Variants in DNMT3A observed in about 807,000 individuals in gnomAD.
DNMT3A encodes DNA methyltransferase 3 alpha.
DNMT3A carries 267 observed loss-of-function variants against 117.6 expected under a neutral mutation model. The observed-to-expected ratio is 2.27, with a 90% CI of 2.05 to 2.51. The LOEUF is 2.51. DNMT3A is among the 30% of genes most tolerant of loss of function. The pLI is 0.00. For synonymous variants in DNMT3A, 432 were observed against 474.8 expected, an observed-to-expected ratio of 0.91 and a Z score of 1.17; for missense variants, 1,029 against 1,260.2, an observed-to-expected ratio of 0.82 and a Z score of 2.78.
intron 1 of DNMT3A, among the ~76,000 whole-genome samples, chr2:25,332,123 GC>G (rs1357577257): frequency 2.0e-5 from 3 of 152,118 alleles, no homozygotes; most frequent in African/African-American, 4.8e-5. Context: ...AAACCCTATT[GC>G]CCGAGCTCTC....
rs139610053 is a variant in DNMT3A, at chr2:25,281,409, T to C, written c.448+1032A>G. The stretch of plus-strand genomic sequence containing the variant: ...TAGTGTTCTGCACATAGTGGGAGCA[T>C]CATACATATTTGTCGAATAATAAAT... On this transcript the variant is annotated intron_variant, in intron 4 of 22. Transcript: ENST00000321117. This position sits in a 1 kb window ranked among gnomAD's most constrained non-coding sequence, Gnocchi z 4.8. The C allele has an allele frequency of 5.9e-6, 6 of 1,017,304 alleles. No individual in the cohort carries two copies. Among genetic ancestry groups the C allele is most frequent in the Non-Finnish European group, 7.1e-6 (6 of 846,240 alleles). 63.0% of individuals were successfully genotyped at this position (1,017,304 alleles called of 1,614,324 possible).
chr2:25,315,103 G>GC (rs990623405), intron 1 of DNMT3A, among the ~76,000 whole-genome samples: 1 of 152,154 alleles, frequency 6.6e-6, no homozygotes, highest in Non-Finnish European at 1.5e-5. Flanking sequence ...AAGGGAGAGC[G>GC]GGAGGCAGGC....
intron 6 of DNMT3A, among the ~76,000 whole-genome samples, chr2:25,266,360 G>A (rs972867546): frequency 1.3e-5 from 2 of 152,176 alleles, no homozygotes; most frequent in African/African-American, 4.8e-5. Flanking sequence ...CTCTAAAACT[G>A]CTTCCCATAC....
chr2:25,300,289 A>G (rs868809690), intron 2 of DNMT3A, 46 bp from the exon 3 acceptor site: 10 of 1,589,658 alleles, frequency 6.3e-6, no homozygotes, highest in Non-Finnish European at 7.7e-6. Context: ...GGATCCCAGC[A>G]GTGTAGCATT....
chr2:25,291,058 C>A (rs1032178469), intron 3 of DNMT3A, among the ~76,000 whole-genome samples: 1 of 152,214 alleles, frequency 6.6e-6, no homozygotes, highest in Non-Finnish European at 1.5e-5. Flanking sequence ...GGCACCCCCA[C>A]GCCTGCAGAC....
At chr2:25,266,352 C>T (rs1246045141) in intron 6 of DNMT3A, among the ~76,000 whole-genome samples, 3 of 152,216 alleles carry the variant, frequency 2.0e-5, no homozygotes, top group Admixed American at 6.5e-5. Context: ...TCCAAATGCT[C>T]TAAAACTGCT....
At chr2:25,313,817 G>C in intron 2 of DNMT3A, 96 bp downstream of exon 2, 11 of 1,507,912 alleles carry the variant, frequency 7.3e-6, no homozygotes, top group Non-Finnish European at 9.9e-6. Flanking sequence ...GAGTGATGCG[G>C]TCATGCACTC....
rs1673283336 is a variant in DNMT3A, at chr2:25,235,739, T to C, written c.2565A>G (p.Lys855=). 6.2e-7 allele frequency: 1 copy of C among 1,614,192 alleles called. No homozygotes were observed. Among genetic ancestry groups the C allele is most frequent in the African/African-American group, 1.3e-5 (1 of 75,060 alleles). The change falls in exon 22 of 23, where the codon AAA becomes AAG. Residue 855 remains lysine (K), a synonymous_variant. Coordinates refer to ENST00000321117, the MANE Select transcript of DNMT3A (RefSeq NM_022552.5). ...TTTCAGTGCACCATAAGATGTCCTC[T>C]TTCTCATTCATGAAGACAGGAAAAT... is the stretch of plus-strand genomic sequence containing the variant. The part of the protein sequence containing the change: ...DQHFPVFMNE[K]EDILWCTEME...
chr2:25,263,245 T>G (rs1007622073), intron 6 of DNMT3A, among the ~76,000 whole-genome samples: 1 of 152,112 alleles, frequency 6.6e-6, no homozygotes. Context: ...TTACTGAAAT[T>G]CTCAAAGGAT....
chr2:25,317,787 G>A (rs765507641), intron 1 of DNMT3A, among the ~76,000 whole-genome samples: 14 of 152,252 alleles, frequency 9.2e-5, no homozygotes, highest in Non-Finnish European at 1.5e-4. Context: ...CCAGGCTGGA[G>A]TGCAATGCCG....
chr2:25,333,174 G>A (rs1481217963), intron 1 of DNMT3A, among the ~76,000 whole-genome samples: 1 of 152,062 alleles, frequency 6.6e-6, no homozygotes, highest in Non-Finnish European at 1.5e-5. Flanking sequence ...GGAAGCTAAG[G>A]AGGACAGAGA....
In DNMT3A at chr2:25,282,312, G is replaced by C; in HGVS notation, c.448+129C>G. ...TCCAGCCAGTAGCCTCCAGGCCATA[G>C]CCTTGGCAAGCAGACCTTTAGCCAC... On this transcript the variant is annotated intron_variant, in intron 4 of 22. Coordinates refer to ENST00000321117, the MANE Select transcript of DNMT3A (RefSeq NM_022552.5). This position sits in a 1 kb window ranked among gnomAD's most constrained non-coding sequence, Gnocchi z 5.2. 5 of 1,490,616 alleles carry C rather than the reference G, an allele frequency of 3.4e-6. No individual in the cohort carries two copies. The highest frequency in any genetic ancestry group is 4.5e-6 in the Non-Finnish European group (5 of 1,114,172). 92.3% of individuals were successfully genotyped at this position (1,490,616 alleles called of 1,614,324 possible).
intron 2 of DNMT3A, among the ~76,000 whole-genome samples, chr2:25,312,706 C>G (rs1343302651): frequency 6.6e-6 from 1 of 152,194 alleles, no homozygotes; most frequent in Non-Finnish European, 1.5e-5. Flanking sequence ...CAAATAGAAC[C>G]ATTGATGGAA....
intron 2 of DNMT3A, among the ~76,000 whole-genome samples, chr2:25,307,349 C>T (rs1415457802): frequency 1.3e-5 from 2 of 151,198 alleles, no homozygotes; most frequent in African/African-American, 4.9e-5. Context: ...TTTTTTTTTT[C>T]CCAGCCAGGG....
intron 1 of DNMT3A, among the ~76,000 whole-genome samples, chr2:25,340,885 G>T (rs1293519157): frequency 8.1e-6 from 1 of 123,874 alleles, no homozygotes; most frequent in African/African-American, 3.0e-5. Context: ...CGGGATCCTC[G>T]CCCGCCCCCG....
Position 25,234,422 on chromosome 2 carries a change from T to A in DNMT3A, c.2598-2A>T, listed in dbSNP as rs760092360. 6.2e-7 allele frequency: 1 copy of A among 1,611,612 alleles called. No individual in the cohort carries two copies. On this transcript the variant is annotated splice_acceptor_variant, in intron 22 of 22. Transcript: ENST00000321117. LOFTEE classifies it high-confidence loss of function. This position sits in a 1 kb window ranked among gnomAD's most constrained non-coding sequence, Gnocchi z 4.5. ...TAGTGGACTGGGAAACCAAATACCCTGGGGGAGAAAAGGCAGAGAGGGCAG... is the reference window on the plus strand; with the variant it reads ...TAGTGGACTGGGAAACCAAATACCCAGGGGGAGAAAAGGCAGAGAGGGCAG...
At chr2:25,287,735 G>C (rs13003265) in intron 3 of DNMT3A, among the ~76,000 whole-genome samples, 22,521 of 141,092 alleles carry the variant, frequency 0.16, 2,102 homozygotes, top group Non-Finnish European at 0.21. Flanking sequence ...GGACACCCCC[G>C]CCCCCAACAG....
chr2:25,323,178 T>G (rs1573496268), intron 1 of DNMT3A, among the ~76,000 whole-genome samples: 2 of 152,284 alleles, frequency 1.3e-5, no homozygotes, highest in South Asian at 4.1e-4. Flanking sequence ...GGAAGGATGC[T>G]AACATGGTCG....
At chr2:25,242,632 A>C (rs1470900120) in intron 16 of DNMT3A, among the ~76,000 whole-genome samples, 2 of 152,148 alleles carry the variant, frequency 1.3e-5, no homozygotes, top group African/African-American at 4.8e-5. Context: ...CTCACCCTCT[A>C]ACCAGGGTCC....
Sources: allele counts gnomAD v4.1 joint callset (sites outside exome capture counted in the v4.1 genomes callset), GRCh38; gene constraint gnomAD v4.1.1; non-coding constraint Gnocchi (gnomAD v3.1); transcripts MANE v1.5; gene names NCBI Gene and HGNC (gene_info 2026-07-23, HGNC 2026-07-21).